The following ANXA4 variants were observed in gnomAD, a reference collection of about 807,000 sequenced individuals.
The protein encoded by ANXA4 is annexin A4.
Under a neutral mutation model 49.8 loss-of-function variants are expected in ANXA4, and 39 were observed. The ratio of observed to expected loss-of-function variants is 0.78; its 90% CI spans 0.61 to 1.02. The LOEUF (loss-of-function observed/expected upper bound fraction) is 1.02, where lower values mean the gene tolerates loss of function less well. Ranked by LOEUF, ANXA4 falls within the 50% of genes least tolerant of loss-of-function variation. The pLI, the probability that ANXA4 is intolerant of heterozygous loss-of-function variation, is 0.00. For synonymous variants in ANXA4, 134 were observed against 152.5 expected, an observed-to-expected ratio of 0.88 and a Z score of 0.89; for missense variants, 360 against 410.1, an observed-to-expected ratio of 0.88 and a Z score of 1.05.
intron 2 of ANXA4, among the ~76,000 whole-genome samples, chr2:69,783,194 T>C (rs1672272232): frequency 6.6e-6 from 1 of 152,134 alleles, no homozygotes; most frequent in South Asian, 2.1e-4. Flanking sequence ...GTTATGAGTG[T>C]TTTAATTTTC....
intron 2 of ANXA4, among the ~76,000 whole-genome samples, chr2:69,695,221 T>A (rs1678122787): frequency 6.6e-6 from 1 of 152,050 alleles, no homozygotes; most frequent in African/African-American, 2.4e-5. Flanking sequence ...TCAAGCTATT[T>A]CCATATATAG....
Position 69,824,435 on chromosome 2 carries a change from G to A in ANXA4, c.907-1021G>A, listed in dbSNP as rs112801992. Among the ~76,000 whole-genome samples the A allele has an allele frequency of 4.6e-3, 699 of 151,690 alleles. 6 individuals carry two copies. The highest frequency in any genetic ancestry group is 0.014 in the African/African-American group (597 of 41,294). On this transcript the variant is annotated intron_variant, in intron 12 of 12. Transcript: ENST00000394295. The stretch of plus-strand genomic sequence containing the variant: ...GGAGAATCACTTGAACCTGGGAGGC[G>A]GAGGTCGCAGTGAGCCAGGATTGCA...
intron 2 of ANXA4, among the ~76,000 whole-genome samples, chr2:69,688,888 C>A (rs1305432114): frequency 3.3e-5 from 5 of 152,162 alleles, no homozygotes; most frequent in African/African-American, 1.2e-4. Context: ...GCCATTTCTC[C>A]AAAGAGTCCT....
At chr2:69,767,244 T>A (rs1374012238) in intron 1 of ANXA4, among the ~76,000 whole-genome samples, 2 of 152,260 alleles carry the variant, frequency 1.3e-5, no homozygotes, top group Non-Finnish European at 2.9e-5. Context: ...TTCCTTTCTC[T>A]ACTGGTATAT....
chr2:69,744,813 C>T (rs1670546660), intron 1 of ANXA4, among the ~76,000 whole-genome samples: 1 of 152,334 alleles, frequency 6.6e-6, no homozygotes, highest in African/African-American at 2.4e-5. Flanking sequence ...ACCATAACTC[C>T]ATCAGTGCTT....
At chr2:69,726,238 C>G (rs981643734) in intron 3 of ANXA4, among the ~76,000 whole-genome samples, 2 of 152,170 alleles carry the variant, frequency 1.3e-5, no homozygotes, top group Non-Finnish European at 2.9e-5. Context: ...TCTCTCCTGC[C>G]AACACGTAAG....
chr2:69,765,182 C>A (rs931714491), intron 1 of ANXA4, among the ~76,000 whole-genome samples: 7 of 152,116 alleles, frequency 4.6e-5, no homozygotes, highest in Non-Finnish European at 8.8e-5. Flanking sequence ...CTGCTGTGAA[C>A]ATGGATGTGC....
chr2:69,662,292 A>G (rs886268854), intron 2 of ANXA4, among the ~76,000 whole-genome samples: 2 of 152,118 alleles, frequency 1.3e-5, no homozygotes, highest in African/African-American at 4.8e-5. Flanking sequence ...CAGAAAGGAT[A>G]CTCCAAGACA....
At chr2:69,663,535 C>T (rs1054838370) in intron 2 of ANXA4, among the ~76,000 whole-genome samples, 2 of 151,980 alleles carry the variant, frequency 1.3e-5, no homozygotes, top group African/African-American at 2.4e-5. Flanking sequence ...TGACACAAGA[C>T]TGTAGTCCCT....
chr2:69,741,449 A>G (rs1670392809), upstream of ANXA4, among the ~76,000 whole-genome samples: 1 of 152,154 alleles, frequency 6.6e-6, no homozygotes, highest in Non-Finnish European at 1.5e-5. Context: ...AACTTTAGTC[A>G]CTCACAGGAG....
intron 2 of ANXA4, among the ~76,000 whole-genome samples, chr2:69,693,712 C>G (rs1391532648): frequency 6.6e-6 from 1 of 152,164 alleles, no homozygotes; most frequent in African/African-American, 2.4e-5. Context: ...ATCTGTGACA[C>G]CCACTCCCAG....
rs869068494 is a variant in ANXA4, at chr2:69,757,238, TTATATATA to T, written c.-47+15085_-47+15092del. Among the ~76,000 whole-genome samples the T allele has an allele frequency of 6.2e-3, 364 of 59,040 alleles. 12 individuals carry two copies. Among genetic ancestry groups the T allele is most frequent in the African/African-American group, 0.02 (314 of 15,974 alleles). 38.7% of individuals were successfully genotyped at this position (59,040 alleles called of 152,430 possible). On this transcript the variant is annotated intron_variant, in intron 1 of 12. Coordinates refer to ENST00000394295, the MANE Select transcript of ANXA4 (RefSeq NM_001153.5). ...GCCACCGTGCCCAGCCATTTTTGTT[TTATATATA>T]TATATATATATATATATATATTTTT...
chr2:69,730,897 T>G (rs1670078353), intron 3 of ANXA4, among the ~76,000 whole-genome samples: 1 of 152,216 alleles, frequency 6.6e-6, no homozygotes, highest in Non-Finnish European at 1.5e-5. Context: ...TATATTCGCT[T>G]TCTCCATCCA....
intron 2 of ANXA4, among the ~76,000 whole-genome samples, chr2:69,688,950 G>A (rs1677877439): frequency 6.6e-6 from 1 of 152,200 alleles, no homozygotes; most frequent in African/African-American, 2.4e-5. Context: ...GGGCTCCAGT[G>A]TTGTCAGCCT....
intron 1 of ANXA4, among the ~76,000 whole-genome samples, chr2:69,776,544 A>T (rs1671969170): frequency 6.7e-6 from 1 of 148,192 alleles, no homozygotes; most frequent in African/African-American, 2.4e-5. Context: ...CACATCAAGC[A>T]TCAAGCAGTT....
At chr2:69,758,663 G>A (rs559860634) in intron 1 of ANXA4, among the ~76,000 whole-genome samples, 25 of 152,100 alleles carry the variant, frequency 1.6e-4, no homozygotes, top group African/African-American at 5.1e-4. Context: ...TAATAATAAG[G>A]TTCAATTTTA....
At chr2:69,671,025 C>CAAAA (rs762968256) in intron 2 of ANXA4, among the ~76,000 whole-genome samples, 161 of 31,760 alleles carry the variant, frequency 5.1e-3, no homozygotes, top group East Asian at 6.5e-3. Flanking sequence ...GACTCCATCT[C>CAAAA]AAAAAAAAAA....
upstream of ANXA4, among the ~76,000 whole-genome samples, chr2:69,738,729 T>C (rs1354936192): frequency 6.6e-6 from 1 of 152,202 alleles, no homozygotes; most frequent in Non-Finnish European, 1.5e-5. Context: ...GAGCCTGCCA[T>C]GTGAAGGGGC....
chr2:69,754,064 G>C (rs1442581297), intron 1 of ANXA4, among the ~76,000 whole-genome samples: 1 of 152,230 alleles, frequency 6.6e-6, no homozygotes, highest in Non-Finnish European at 1.5e-5. Context: ...AAGTTTCACA[G>C]ATATCATGGA....
Sources: gnomAD v4.1 joint callset for allele counts (sites outside exome capture counted in the v4.1 genomes callset) on GRCh38, gnomAD v4.1.1 for gene constraint, MANE v1.5 for transcripts, NCBI Gene and HGNC (gene_info 2026-07-23, HGNC 2026-07-21) for gene names.